The following HTR2C variants were observed in gnomAD, a reference collection of about 807,000 sequenced individuals.
HTR2C encodes the protein 5-hydroxytryptamine receptor 2C, also known as 5-hydroxytryptamine (serotonin) receptor 2C, G protein-coupled.
In HTR2C, 5 loss-of-function variants were observed where a neutral mutation model predicts 21.0. That is an observed-to-expected ratio of 0.24 (90% CI 0.12 to 0.50). HTR2C has a LOEUF of 0.50. HTR2C is among the 20% of genes least tolerant of loss of function. HTR2C has a pLI of 0.98. For missense variants in HTR2C, 271 were observed against 371.2 expected, an observed-to-expected ratio of 0.73 and a Z score of 2.22; for synonymous variants, 150 against 145.3, an observed-to-expected ratio of 1.03 and a Z score of -0.23.
chrX:114,865,786 ATG>A (rs1256699709), intron 5 of HTR2C, among the ~76,000 whole-genome samples: 1 of 110,363 alleles, frequency 9.1e-6, no homozygotes, highest in Middle Eastern at 4.2e-3. Flanking sequence ...ATTTTATTTG[ATG>A]TGTTTATTTC....
chrX:114,638,196 C>T (rs1490206901), intron 2 of HTR2C, among the ~76,000 whole-genome samples: 3 of 111,934 alleles, frequency 2.7e-5, no homozygotes, highest in Admixed American at 1.9e-4. Flanking sequence ...AAAACCTACT[C>T]ATGCCCCAAA....
chrX:114,691,433 C>T (rs782199061), intron 2 of HTR2C, among the ~76,000 whole-genome samples: 1 of 111,762 alleles, frequency 8.9e-6, no homozygotes, highest in South Asian at 3.7e-4. Flanking sequence ...CTGTATGAAA[C>T]CAAAGTTTAC....
At chrX:114,702,146 A>C (rs1932541567) in intron 2 of HTR2C, among the ~76,000 whole-genome samples, 1 of 111,679 alleles carries the variant, frequency 9.0e-6, no homozygotes, top group African/African-American at 3.2e-5. Flanking sequence ...GCAGGATATT[A>C]TCCAGGAGAA....
At chrX:114,625,049 G>A (rs1209312215) in intron 2 of HTR2C, among the ~76,000 whole-genome samples, 2 of 111,565 alleles carry the variant, frequency 1.8e-5, no homozygotes, top group African/African-American at 6.5e-5. Flanking sequence ...AATAGTTGGT[G>A]CCACCTTCAC....
intron 4 of HTR2C, chrX:114,776,537 T>A: frequency 1.9e-6 from 1 of 536,179 alleles, no homozygotes; most frequent in Non-Finnish European, 3.4e-6. Context: ...GACAACAGCA[T>A]CATCAAATCT....
Position 114,662,983 on chromosome X carries a change from A to G in HTR2C, c.-80+49102A>G, listed in dbSNP as rs781848068. Among the ~76,000 whole-genome samples, 6 of 111,732 alleles carry G rather than the reference A, an allele frequency of 5.4e-5. No homozygotes were observed. The East Asian group carries it at 1.7e-3, about 31-fold the overall frequency. On this transcript the variant is annotated intron_variant, in intron 2 of 5. Coordinates refer to ENST00000276198, the MANE Select transcript of HTR2C (RefSeq NM_000868.4). Reference sequence around the variant, plus strand: ...CTCAATGCTGTATAACAGAGAAAGAAATAGGTGTATTTAGGTGTATTATTG... The same window carrying G: ...CTCAATGCTGTATAACAGAGAAAGAGATAGGTGTATTTAGGTGTATTATTG...
chrX:114,630,975 A>C (rs1423348577), intron 2 of HTR2C: 3 of 277,743 alleles, frequency 1.1e-5, no homozygotes, highest in Non-Finnish European at 2.2e-5. Context: ...GGAGAGACAG[A>C]TCCAGGCAGC....
At chrX:114,692,409 T>A (rs1376474257) in intron 2 of HTR2C, among the ~76,000 whole-genome samples, 1 of 111,804 alleles carries the variant, frequency 8.9e-6, no homozygotes, top group African/African-American at 3.2e-5. Flanking sequence ...TTTTCTTTTT[T>A]AAAAAATAAA....
At position 114,731,344 on chromosome X, in the gene HTR2C, C is replaced by T; in HGVS notation, c.86C>T (p.Pro29Leu). The change falls in exon 4 of 6, where the codon CCA becomes CTA. Residue 29 changes from proline (P) to leucine (L), a missense_variant. Coordinates refer to ENST00000276198, the MANE Select transcript of HTR2C (RefSeq NM_000868.4). ...LVWQSDISVSPVAAIVTDIFN... is the reference protein window; with the variant it reads ...LVWQSDISVSLVAAIVTDIFN... ...TGGCAATCTGATATTTCTGTGAGCCCAGTAGCAGCTATAGTAACTGACATT... is the reference window on the plus strand; with the variant it reads ...TGGCAATCTGATATTTCTGTGAGCCTAGTAGCAGCTATAGTAACTGACATT... The T allele has an allele frequency of 1.7e-6, 2 of 1,206,412 alleles. No individual in the cohort carries two copies. Among genetic ancestry groups the T allele is most frequent in the South Asian group, 1.8e-5 (1 of 56,763 alleles).
At chrX:114,631,988 C>A (rs781983349) in intron 2 of HTR2C, among the ~76,000 whole-genome samples, 5 of 112,008 alleles carry the variant, frequency 4.5e-5, no homozygotes, top group Non-Finnish European at 7.5e-5. Flanking sequence ...TACTGCAGCA[C>A]CTATCCCAGT....
At chrX:114,664,435 T>G (rs1931103894) in intron 2 of HTR2C, among the ~76,000 whole-genome samples, 1 of 111,834 alleles carries the variant, frequency 8.9e-6, no homozygotes, top group South Asian at 3.7e-4. Context: ...TGTTCTCATC[T>G]TTCAGCTCCC....
chrX:114,673,227 T>G (rs1931444412), intron 2 of HTR2C, among the ~76,000 whole-genome samples: 1 of 112,377 alleles, frequency 8.9e-6, no homozygotes, highest in South Asian at 3.6e-4. Context: ...GAACTTTAAT[T>G]AATTCCAGGA....
rs782409232 is a variant in HTR2C at position 114,725,535 on chromosome X, C to G, written c.-79-1323C>G. On this transcript the variant is annotated intron_variant, in intron 2 of 5. Coordinates refer to ENST00000276198, the MANE Select transcript of HTR2C (RefSeq NM_000868.4). ...TCAGCTCGTCAAAGTCATTCTCCAT[C>G]CAGCTTTCTTCCATTGCTGGTGAGG... 5.3e-5 allele frequency among the ~76,000 whole-genome samples: 6 copies of G among 112,467 alleles called. No individual in the cohort carries two copies. The South Asian group carries it at 2.2e-3, about 41-fold the overall frequency.
chrX:114,691,651 T>C, intron 2 of HTR2C, among the ~76,000 whole-genome samples: 1 of 111,861 alleles, frequency 8.9e-6, no homozygotes, highest in Non-Finnish European at 1.9e-5. Context: ...TGCCAGGTCC[T>C]GTCTTAGGGA....
chrX:114,906,459 C>T (rs2071372954), intron 5 of HTR2C, 130 bp from the exon 6 acceptor site: 1 of 476,503 alleles, frequency 2.1e-6, no homozygotes, highest in Admixed American at 4.1e-5. Flanking sequence ...TCGATTATGC[C>T]GTGAATAGCT....
At chrX:114,597,321 A>T (rs1267413268) in intron 1 of HTR2C, among the ~76,000 whole-genome samples, 1 of 110,851 alleles carries the variant, frequency 9.0e-6, no homozygotes, top group Non-Finnish European at 1.9e-5. Flanking sequence ...TTGTTCTTAG[A>T]GTCACAAAAC....
chrX:114,585,400 T>A (rs1218226935), intron 1 of HTR2C, among the ~76,000 whole-genome samples: 1 of 111,273 alleles, frequency 9.0e-6, no homozygotes, highest in Non-Finnish European at 1.9e-5. Context: ...CTAAGTCATT[T>A]GGTTACTGTT....
At chrX:114,838,732 C>G (rs181214203) in intron 4 of HTR2C, among the ~76,000 whole-genome samples, 1 of 112,185 alleles carries the variant, frequency 8.9e-6, no homozygotes, top group Non-Finnish European at 1.9e-5. Context: ...GTGCTATAGC[C>G]TCTTGGCTAT....
At chrX:114,852,763 TTGTGTGTGTGTGTGTG>T (rs58478809) in intron 5 of HTR2C, among the ~76,000 whole-genome samples, 1 of 102,791 alleles carries the variant, frequency 9.7e-6, no homozygotes, top group Non-Finnish European at 2.0e-5. Flanking sequence ...CTAAGAATAA[TTGTGTGTGTGTGTGTG>T]TGTGTGTGTG....
Sources: gnomAD v4.1 joint callset for allele counts (sites outside exome capture counted in the v4.1 genomes callset) on GRCh38, gnomAD v4.1.1 for gene constraint, MANE v1.5 for transcripts, NCBI Gene and HGNC (gene_info 2026-07-23, HGNC 2026-07-21) for gene names.